The following TENM3 variants were observed in gnomAD, a reference collection of about 807,000 sequenced individuals.
TENM3 encodes the protein teneurin-3.
Under a neutral mutation model 255.1 loss-of-function variants are expected in TENM3, and 63 were observed. The ratio of observed to expected loss-of-function variants is 0.25; its 90% CI spans 0.20 to 0.30. The LOEUF (loss-of-function observed/expected upper bound fraction) is 0.30, where lower values mean the gene tolerates loss of function less well. Among genes scored for constraint, TENM3 ranks in the 10% least tolerant of loss-of-function variants. The pLI is 1.00. For synonymous variants in TENM3, 1,306 were observed against 1,322.3 expected (o/e 0.99, Z 0.27); for missense variants, 2,929 against 3,461.1 (o/e 0.85, Z 3.86).
chr4:181,779,090 T>G, the TENM3 span, among the ~76,000 whole-genome samples: 4 of 151,988 alleles, frequency 2.6e-5, no homozygotes, highest in African/African-American at 9.7e-5. Flanking sequence ...TGTGGAGGCC[T>G]TGTTTATGTA....
chr4:182,053,748 C>G, the TENM3 span, among the ~76,000 whole-genome samples: 3 of 152,172 alleles, frequency 2.0e-5, no homozygotes, highest in Admixed American at 2.0e-4. Flanking sequence ...TGAACACATC[C>G]TAGAGGCATT....
intron 1 of TENM3, among the ~76,000 whole-genome samples, chr4:182,311,108 T>C (rs906703981): frequency 6.6e-5 from 10 of 152,212 alleles, no homozygotes; most frequent in Admixed American, 3.9e-4. Context: ...GCAAAGAGAA[T>C]TGTGAGCACG....
At chr4:182,014,073 C>T in the TENM3 span, among the ~76,000 whole-genome samples, 1 of 79,546 alleles carries the variant, frequency 1.3e-5, no homozygotes, top group Non-Finnish European at 2.6e-5. Context: ...CGTATATACA[C>T]ATATATACGT....
the TENM3 span, among the ~76,000 whole-genome samples, chr4:181,637,166 C>T: frequency 1.1e-4 from 17 of 152,328 alleles, no homozygotes; most frequent in African/African-American, 4.1e-4. Flanking sequence ...TCAGCAACTC[C>T]TATCCTTTTT....
chr4:182,739,441 C>T (rs1314268959), intron 18 of TENM3, among the ~76,000 whole-genome samples: 1 of 152,164 alleles, frequency 6.6e-6, no homozygotes, highest in Non-Finnish European at 1.5e-5. Context: ...ACTTTAGCAT[C>T]CTGTCCTACA....
intron 3 of TENM3, among the ~76,000 whole-genome samples, chr4:182,586,680 T>C (rs1173894169): frequency 1.3e-5 from 2 of 152,232 alleles, no homozygotes; most frequent in Admixed American, 6.5e-5. Context: ...CTGGGTTCCA[T>C]TGAAGTTCAT....
intron 3 of TENM3, among the ~76,000 whole-genome samples, chr4:182,569,834 C>A (rs1329201948): frequency 6.6e-6 from 1 of 151,910 alleles, no homozygotes; most frequent in Non-Finnish European, 1.5e-5. Context: ...GGAAGCCAGA[C>A]AATTGGAGTC....
the TENM3 span, among the ~76,000 whole-genome samples, chr4:182,047,326 G>T: frequency 6.6e-6 from 1 of 152,050 alleles, no homozygotes; most frequent in Admixed American, 6.6e-5. Context: ...CACTTTGGGA[G>T]GCCGAGGTGG....
At chr4:182,631,720 T>A (rs901889085) in intron 5 of TENM3, 3 of 152,230 alleles carry the variant, frequency 2.0e-5, no homozygotes, top group Non-Finnish European at 4.4e-5. Flanking sequence ...CTGAAGCTTT[T>A]TTTTCCATTC....
At chr4:182,038,062 T>G in the TENM3 span, among the ~76,000 whole-genome samples, 92,877 of 152,004 alleles carry the variant, frequency 0.61, 30,391 homozygotes, top group East Asian at 0.77. Context: ...TTTTTCTACT[T>G]CGCGTGATTT....
At chr4:182,705,037 C>A (rs1332106593) in intron 12 of TENM3, among the ~76,000 whole-genome samples, 1 of 152,026 alleles carries the variant, frequency 6.6e-6, no homozygotes, top group Non-Finnish European at 1.5e-5. Context: ...CTGTCATAAT[C>A]CTTTATGGTA....
chr4:182,692,820 G>A (rs779403238), intron 12 of TENM3, among the ~76,000 whole-genome samples: 2 of 151,878 alleles, frequency 1.3e-5, no homozygotes, highest in Non-Finnish European at 2.9e-5. Context: ...AGTTCTTTTT[G>A]TTAGCTTAAG....
At chr4:181,765,593 A>T in the TENM3 span, among the ~76,000 whole-genome samples, 1 of 152,222 alleles carries the variant, frequency 6.6e-6, no homozygotes, top group Non-Finnish European at 1.5e-5. Context: ...GTTGTCAATG[A>T]CTTTGGGGAA....
chr4:181,459,530 C>T, the TENM3 span, among the ~76,000 whole-genome samples: 2 of 151,734 alleles, frequency 1.3e-5, no homozygotes, highest in African/African-American at 4.8e-5. Context: ...TGTAAATGAT[C>T]TGAGGTAACA....
chr4:181,491,861 G>A, the TENM3 span, among the ~76,000 whole-genome samples: 1 of 152,136 alleles, frequency 6.6e-6, no homozygotes, highest in East Asian at 1.9e-4. Context: ...CTGACAGTTG[G>A]CCTTAACAAG....
At chr4:182,653,993 A>T in intron 6 of TENM3, 100 bp downstream of exon 6, 1 of 1,156,876 alleles carries the variant, frequency 8.6e-7, no homozygotes, top group East Asian at 2.8e-5. Context: ...TGGAACAGGG[A>T]AAAGTGTTCG....
chr4:182,356,066 T>G (rs984804197), intron 3 of TENM3, among the ~76,000 whole-genome samples: 1 of 151,838 alleles, frequency 6.6e-6, no homozygotes, highest in Non-Finnish European at 1.5e-5. Flanking sequence ...AATCCTAAGC[T>G]CACCAATATT....
intron 22 of TENM3, among the ~76,000 whole-genome samples, chr4:182,771,720 T>A (rs894407926): frequency 6.6e-6 from 1 of 152,212 alleles, no homozygotes; most frequent in Non-Finnish European, 1.5e-5. Context: ...TGCGTGTTTG[T>A]TTCTTCAAGA....
chr4:182,189,363 T>C (rs1275859778), intron 1 of TENM3, among the ~76,000 whole-genome samples: 1 of 152,166 alleles, frequency 6.6e-6, no homozygotes, highest in Non-Finnish European at 1.5e-5. Context: ...AAGCACAGAC[T>C]CCATAATGAG....
Sources: gnomAD v4.1 joint callset for allele counts (sites outside exome capture counted in the v4.1 genomes callset) on GRCh38, gnomAD v4.1.1 for gene constraint, MANE v1.5 for transcripts, NCBI Gene and HGNC (gene_info 2026-07-23, HGNC 2026-07-21) for gene names.